USP42: variants seen among roughly 807,000 people sequenced by gnomAD.
The protein encoded by USP42 is ubiquitin carboxyl-terminal hydrolase 42.
USP42 carries 23 observed loss-of-function variants against 113.0 expected under a neutral mutation model. The ratio of observed to expected loss-of-function variants is 0.20; its 90% CI spans 0.15 to 0.29. The LOEUF is 0.29. USP42 is among the 10% of genes least tolerant of loss of function. The pLI, the probability that USP42 is intolerant of heterozygous loss-of-function variation, is 1.00. For synonymous variants in USP42, 933 were observed against 699.0 expected (o/e 1.33, Z -5.28); for missense variants, 2,174 against 1,779.8 (o/e 1.22, Z -3.99).
At chr7:6,086,107 C>T in the USP42 span, among the ~76,000 whole-genome samples, 2 of 149,986 alleles carry the variant, frequency 1.3e-5, no homozygotes, top group Admixed American at 6.6e-5. Flanking sequence ...AAGATCTTGG[C>T]TCATTGCAAC....
intron 15 of USP42, among the ~76,000 whole-genome samples, chr7:6,156,287 C>T (rs1782441236): frequency 6.6e-6 from 1 of 152,192 alleles, no homozygotes; most frequent in African/African-American, 2.4e-5. Flanking sequence ...CCTTTCCCTT[C>T]AAGTAACTAC....
In USP42 at chr7:6,114,656, G is replaced by GTGTATATATATATATATATA. The variant is rs1187768774; in HGVS notation, c.242-666_242-665insGTATATATATATATATATAT. ...TGTGTGTATATATGTATGTGTGTGT[G>GTGTATATATATATATATATA]TATATATATATATATATATATATTT... On this transcript the variant is annotated intron_variant, in intron 2 of 17. Transcript: ENST00000306177. 1.3e-4 allele frequency among the ~76,000 whole-genome samples: 8 copies of GTGTATATATATATATATATA among 60,596 alleles called. 1 individual carries two copies. In the South Asian group the frequency reaches 2.7e-3, roughly 21 times the overall value. 39.8% of individuals were successfully genotyped at this position (60,596 alleles called of 152,430 possible).
At chr7:6,137,984 T>C (rs1482009086) in intron 4 of USP42, among the ~76,000 whole-genome samples, 2 of 152,194 alleles carry the variant, frequency 1.3e-5, no homozygotes, top group Non-Finnish European at 1.5e-5. Flanking sequence ...CGACCACATA[T>C]ATTTATTTTT....
chr7:6,153,683 G>C, intron 14 of USP42, 73 bp from the exon 15 acceptor site: 3 of 1,394,080 alleles, frequency 2.2e-6, no homozygotes, highest in Non-Finnish European at 2.8e-6. Flanking sequence ...TGAAGTATTT[G>C]TCCTTGTAAT....
rs1478712360 is a variant in USP42 at position 6,159,348 on chromosome 7, C to T, written c.3944-102C>T. 24 of 1,513,622 alleles carry T rather than the reference C, an allele frequency of 1.6e-5. 1 individual carries two copies. The highest frequency in any genetic ancestry group is 1.3e-4 in the South Asian group (11 of 85,200). The allele number at this position is 1,513,622 out of a possible 1,614,324, so 93.8% of individuals were successfully genotyped here. A position where few individuals can be genotyped will look rare whatever the true frequency, so the allele number is the denominator to read the frequency against. ...GTGGCCTCAGGCGCTCACAGGGAAC[C>T]GCAGTGACTCTGACCATAGCCACTT... On this transcript the variant is annotated intron_variant, in intron 16 of 17. Transcript: ENST00000306177. The surrounding 1 kb of genome is among the most constrained non-coding windows in gnomAD (Gnocchi z 4.1).
Position 6,153,860 on chromosome 7 carries a change from T to C in USP42, c.2306T>C (p.Leu769Pro), listed in dbSNP as rs1782219039. The C allele has an allele frequency of 2.6e-6, 4 of 1,553,856 alleles. No individual in the cohort carries two copies. The highest frequency in any genetic ancestry group is 1.4e-5 in the African/African-American group (1 of 72,810). Residue 769 changes from leucine to proline, a missense_variant, in exon 15 of 18, where the codon CTC (leucine) becomes CCC (proline). Leu to Pro is a moderately conservative substitution (Grantham distance 98). Transcript: ENST00000306177. The part of the protein sequence containing the change: ...SLEEPDAAAG[L>P]SSTKKAPPPR... ...GAGGAGCCAGATGCGGCCGCCGGCCTCAGCAGCACCAAGAAGGCTCCGCCG... is the reference window on the plus strand; with the variant it reads ...GAGGAGCCAGATGCGGCCGCCGGCCCCAGCAGCACCAAGAAGGCTCCGCCG...
At chr7:6,091,096 T>G in the USP42 span, among the ~76,000 whole-genome samples, 1 of 151,054 alleles carries the variant, frequency 6.6e-6, no homozygotes, top group Non-Finnish European at 1.5e-5. Context: ...CCAACTTACT[T>G]CGGTTTATTG....
chr7:6,131,701 C>G (rs780016153), intron 3 of USP42, among the ~76,000 whole-genome samples: 13 of 152,076 alleles, frequency 8.5e-5, no homozygotes, highest in Non-Finnish European at 5.9e-5. Context: ...AGAAGAAGCA[C>G]AAAGAAACCC....
At chr7:6,138,882 C>A (rs561605237) in intron 4 of USP42, among the ~76,000 whole-genome samples, 41 of 152,330 alleles carry the variant, frequency 2.7e-4, no homozygotes, top group South Asian at 1.2e-3. Context: ...TGAAACCAGT[C>A]CCTGGTGCCC....
rs369114720 is a variant in USP42 at position 6,154,182 on chromosome 7, C to A, written c.2628C>A (p.Ser876Arg). The A allele has an allele frequency of 2.5e-6, 4 of 1,599,668 alleles. No individual in the cohort carries two copies. The highest frequency in any genetic ancestry group is 1.1e-5 in the South Asian group (1 of 90,522). ...AGCAGCCACTCCTTGTTCACCCCAGCGGGGACCACGCCCGGGACGCTCAGG... is the reference window on the plus strand; with the variant it reads ...AGCAGCCACTCCTTGTTCACCCCAGAGGGGACCACGCCCGGGACGCTCAGG... ...PCEQPLLVHPSGDHARDAQDP... is the reference protein window; with the variant it reads ...PCEQPLLVHPRGDHARDAQDP... Residue 876 changes from serine to arginine, a missense_variant, in exon 15 of 18, where the codon AGC becomes AGA. Physicochemically the swap from Ser to Arg is moderately radical, Grantham distance 110. Transcript: ENST00000306177.
At position 6,139,324 on chromosome 7, in the gene USP42, G is replaced by GCT; in HGVS notation, c.656+133_656+134dup. On this transcript the variant is annotated intron_variant, in intron 5 of 17. Coordinates refer to ENST00000306177, the MANE Select transcript of USP42 (RefSeq NM_032172.3). This position sits in a 1 kb window ranked among gnomAD's most constrained non-coding sequence, Gnocchi z 4.5. ...AGTGTTCACTTTACCTTTTGGCTTT[G>GCT]CTCTGCCTCTTCCTTAGGTGATGTG... 1 of 646,062 alleles carries GCT rather than the reference G, an allele frequency of 1.5e-6. No individual in the cohort carries two copies. The highest frequency in any genetic ancestry group is 2.5e-6 in the Non-Finnish European group (1 of 401,266). 40.0% of individuals were successfully genotyped at this position (646,062 alleles called of 1,614,324 possible).
the USP42 span, among the ~76,000 whole-genome samples, chr7:6,098,646 G>A: frequency 4.0e-5 from 6 of 150,258 alleles, no homozygotes; most frequent in South Asian, 2.1e-4. Flanking sequence ...CCGCCTCCCC[G>A]GTTCAAACGA....
chr7:6,087,262 C>G, the USP42 span, among the ~76,000 whole-genome samples: 11 of 150,264 alleles, frequency 7.3e-5, no homozygotes, highest in East Asian at 1.2e-3. Flanking sequence ...AACTCCTGAC[C>G]TCAGGTGATC....
At chr7:6,134,625 A>G (rs1251976650) in intron 3 of USP42, among the ~76,000 whole-genome samples, 10 of 152,178 alleles carry the variant, frequency 6.6e-5, no homozygotes, top group Admixed American at 6.6e-4. Context: ...GTTGAGCGGC[A>G]TCCCTGGCTT....
chr7:6,138,969 C>T (rs746223298), intron 4 of USP42, 123 bp from the exon 5 acceptor site: 2 of 621,278 alleles, frequency 3.2e-6, no homozygotes, highest in South Asian at 4.7e-5. Flanking sequence ...AGTGCTATTT[C>T]CTCATAAAGT....
intron 11 of USP42, 89 bp downstream of exon 11, chr7:6,146,337 T>A (rs59270317): frequency 0.12 from 75,982 of 624,152 alleles, 3,119 homozygotes; most frequent in African/African-American, 0.2. Flanking sequence ...TTCAGTGTTT[T>A]AAAAAAAAAA....
At chr7:6,119,464 T>C (rs1377487516) in intron 3 of USP42, among the ~76,000 whole-genome samples, 1 of 152,150 alleles carries the variant, frequency 6.6e-6, no homozygotes, top group Non-Finnish European at 1.5e-5. Context: ...GAGTGAGATC[T>C]TACGTCAACC....
At chr7:6,133,860 C>T (rs2128497907) in intron 3 of USP42, among the ~76,000 whole-genome samples, 1 of 149,884 alleles carries the variant, frequency 6.7e-6, no homozygotes, top group South Asian at 2.1e-4. Context: ...TGTGTATAAG[C>T]AGATTTGCAT....
Position 6,146,391 on chromosome 7 carries a change from G to T in USP42, c.1232+143G>T, listed in dbSNP as rs1302235891. 2.5e-5 allele frequency: 16 copies of T among 629,624 alleles called. No homozygotes were observed. The East Asian group carries it at 4.4e-4, about 17-fold the overall frequency. The allele number at this position is 629,624 out of a possible 1,614,324, so 39.0% of individuals were successfully genotyped here. A position where few individuals can be genotyped will look rare whatever the true frequency, so the allele number is the denominator to read the frequency against. On this transcript the variant is annotated intron_variant, in intron 11 of 17. Coordinates refer to ENST00000306177, the MANE Select transcript of USP42 (RefSeq NM_032172.3). ...AGATCAACTCTAGCCTGGGCATGGT[G>T]CCTCACGCCTATAATCCTAGCACTT...
Sources: allele counts gnomAD v4.1 joint callset (sites outside exome capture counted in the v4.1 genomes callset), GRCh38; gene constraint gnomAD v4.1.1; non-coding constraint Gnocchi (gnomAD v3.1); transcripts MANE v1.5; gene names NCBI Gene and HGNC (gene_info 2026-07-23, HGNC 2026-07-21).